The following LRRIQ1 variants were observed in gnomAD, a reference collection of about 807,000 sequenced individuals.
LRRIQ1 encodes the protein leucine-rich repeat- and IQ domain-containing protein 1.
In LRRIQ1, 210 loss-of-function variants were observed where a neutral mutation model predicts 211.9. The ratio of observed to expected loss-of-function variants is 0.99; its 90% CI spans 0.89 to 1.11. The LOEUF is 1.11. Ranked by LOEUF, LRRIQ1 falls within the 50% of genes most tolerant of loss-of-function variation. The pLI is 0.00. For synonymous variants in LRRIQ1, 699 were observed against 650.1 expected (o/e 1.08, Z -1.14); for missense variants, 2,136 against 1,939.5 (o/e 1.10, Z -1.90).
chr12:85,268,828 T>A (rs574349030), downstream of LRRIQ1, among the ~76,000 whole-genome samples: 1 of 152,074 alleles, frequency 6.6e-6, no homozygotes, highest in African/African-American at 2.4e-5. Flanking sequence ...TAAAAAACTT[T>A]TTTGTTTTCT....
At chr12:85,157,973 G>A (rs1244340392) in intron 23 of LRRIQ1, among the ~76,000 whole-genome samples, 1 of 151,826 alleles carries the variant, frequency 6.6e-6, no homozygotes, top group African/African-American at 2.4e-5. Flanking sequence ...AATGTTAAGG[G>A]GGAGGGACCA....
At chr12:85,095,912 C>T (rs1051033364) in intron 11 of LRRIQ1, among the ~76,000 whole-genome samples, 1 of 152,100 alleles carries the variant, frequency 6.6e-6, no homozygotes, top group South Asian at 2.1e-4. Flanking sequence ...TTATCTACTT[C>T]CTGTATATTT....
chr12:85,165,031 C>T (rs1891081487), intron 24 of LRRIQ1, among the ~76,000 whole-genome samples: 1 of 151,936 alleles, frequency 6.6e-6, no homozygotes, highest in South Asian at 2.1e-4. Flanking sequence ...TGATTTGTGA[C>T]CTATAGTTAG....
At chr12:85,272,721 A>C in the LRRIQ1 span, among the ~76,000 whole-genome samples, 1 of 152,106 alleles carries the variant, frequency 6.6e-6, no homozygotes, top group Non-Finnish European at 1.5e-5. Context: ...GCAAGTGTGA[A>C]GGTAAGAAAG....
downstream of LRRIQ1, among the ~76,000 whole-genome samples, chr12:85,265,038 G>A (rs549150168): frequency 2.0e-5 from 3 of 152,144 alleles, no homozygotes; most frequent in Admixed American, 1.3e-4. Context: ...AATCAACTAC[G>A]TTGGTTTATG....
chr12:85,055,247 T>C (rs557462356), intron 7 of LRRIQ1, among the ~76,000 whole-genome samples: 2 of 152,216 alleles, frequency 1.3e-5, no homozygotes, highest in South Asian at 4.1e-4. Flanking sequence ...GTTTGCTTGC[T>C]TATTCTGTGT....
At chr12:85,229,268 C>G (rs1047643181) in intron 24 of LRRIQ1, among the ~76,000 whole-genome samples, 1 of 151,922 alleles carries the variant, frequency 6.6e-6, no homozygotes, top group Non-Finnish European at 1.5e-5. Context: ...CAAAAACAAA[C>G]CCTATAAATG....
chr12:85,172,893 G>T (rs1349654691), intron 24 of LRRIQ1, among the ~76,000 whole-genome samples: 1 of 151,902 alleles, frequency 6.6e-6, no homozygotes, highest in African/African-American at 2.4e-5. Flanking sequence ...TGGATCACAA[G>T]ATCAAGAGAT....
Position 85,190,346 on chromosome 12 carries a change from AATT to A in LRRIQ1, c.4822+29637_4822+29639del, listed in dbSNP as rs935058629. Among the ~76,000 whole-genome samples the A allele has an allele frequency of 8.9e-4, 129 of 144,206 alleles. 1 individual carries two copies. Among genetic ancestry groups the A allele is most frequent in the Admixed American group, 2.2e-3 (31 of 13,884 alleles). The allele number at this position is 144,206 out of a possible 152,430, so 94.6% of individuals were successfully genotyped here. A position where few individuals can be genotyped will look rare whatever the true frequency, so the allele number is the denominator to read the frequency against. On this transcript the variant is annotated intron_variant, in intron 24 of 26. Transcript: ENST00000393217. ...GTTAAAAACTACAGTTAATTACATA[AATT>A]ATTAACTGTAACTATACAGTTAATA...
chr12:85,127,532 T>C (rs944374142), intron 17 of LRRIQ1, among the ~76,000 whole-genome samples: 4 of 152,150 alleles, frequency 2.6e-5, no homozygotes, highest in Non-Finnish European at 4.4e-5. Context: ...TCCCCTTCTC[T>C]CTGGACAAAT....
At chr12:85,170,048 C>T (rs1290634274) in intron 24 of LRRIQ1, among the ~76,000 whole-genome samples, 1 of 151,878 alleles carries the variant, frequency 6.6e-6, no homozygotes, top group Non-Finnish European at 1.5e-5. Flanking sequence ...AGAATTTGGT[C>T]CAGTGAAGCA....
chr12:85,243,165 T>G (rs1406780394), intron 26 of LRRIQ1, among the ~76,000 whole-genome samples: 4 of 150,158 alleles, frequency 2.7e-5, no homozygotes, highest in Non-Finnish European at 5.9e-5. Flanking sequence ...TCCAAAATTG[T>G]GGTATTGCTT....
chr12:85,178,410 C>A (rs530930810), intron 24 of LRRIQ1, among the ~76,000 whole-genome samples: 20 of 152,164 alleles, frequency 1.3e-4, no homozygotes, highest in African/African-American at 4.6e-4. Context: ...TAATCAGTGT[C>A]TTTATGCCCC....
chr12:85,216,761 A>T (rs1450670528), intron 24 of LRRIQ1, among the ~76,000 whole-genome samples: 1 of 151,956 alleles, frequency 6.6e-6, no homozygotes, highest in African/African-American at 2.4e-5. Flanking sequence ...CCTATTTTCA[A>T]ATTAAACGTG....
intron 24 of LRRIQ1, among the ~76,000 whole-genome samples, chr12:85,196,360 C>T (rs1378749938): frequency 2.6e-5 from 4 of 152,252 alleles, no homozygotes; most frequent in African/African-American, 7.2e-5. Flanking sequence ...AAAGAGCCCA[C>T]ATCGCCAAGT....
intron 24 of LRRIQ1, among the ~76,000 whole-genome samples, chr12:85,163,390 A>G (rs530281067): frequency 7.2e-5 from 11 of 152,304 alleles, no homozygotes; most frequent in African/African-American, 2.6e-4. Context: ...ATTTTCCTGT[A>G]GGTTCATATT....
chr12:85,203,231 C>T (rs1034484812), intron 24 of LRRIQ1, among the ~76,000 whole-genome samples: 2 of 152,186 alleles, frequency 1.3e-5, no homozygotes, highest in Admixed American at 1.3e-4. Flanking sequence ...AGGACTTGCT[C>T]CTCCTTGCCT....
chr12:85,150,179 GT>G (rs2136653442), intron 19 of LRRIQ1, among the ~76,000 whole-genome samples: 1 of 151,762 alleles, frequency 6.6e-6, no homozygotes, highest in South Asian at 2.1e-4. Context: ...AGTGCTGGTC[GT>G]TTTCCATAAC....
At chr12:85,158,214 G>C (rs1890665097) in intron 23 of LRRIQ1, among the ~76,000 whole-genome samples, 1 of 151,200 alleles carries the variant, frequency 6.6e-6, no homozygotes, top group South Asian at 2.1e-4. Context: ...GCACCTGGTA[G>C]ATATCCAATG....
Sources: gnomAD v4.1 joint callset for allele counts (sites outside exome capture counted in the v4.1 genomes callset) on GRCh38, gnomAD v4.1.1 for gene constraint, MANE v1.5 for transcripts, NCBI Gene and HGNC (gene_info 2026-07-23, HGNC 2026-07-21) for gene names.